SLC26A9: variants seen among roughly 807,000 people sequenced by gnomAD.
The protein encoded by SLC26A9 is solute carrier family 26 member 9.
A neutral mutation model predicts 87.1 loss-of-function variants in SLC26A9; 46 were observed. That is an observed-to-expected ratio of 0.53 (90% CI 0.42 to 0.67). SLC26A9 has a LOEUF of 0.67. SLC26A9 is among the 30% of genes least tolerant of loss of function. The probability of loss-of-function intolerance (pLI) is 0.00; values close to 1 mark genes in which losing one functional copy is unlikely to be tolerated. For synonymous variants in SLC26A9, 437 were observed against 409.1 expected, an observed-to-expected ratio of 1.07 and a Z score of -0.82; for missense variants, 927 against 1,018.3, an observed-to-expected ratio of 0.91 and a Z score of 1.22.
rs894458706 is a variant in SLC26A9 at position 205,913,340 on chromosome 1, A to G, written c.*2017T>C. The G allele has an allele frequency of 2.6e-5, 4 of 152,346 alleles. No homozygotes were observed. The highest frequency in any genetic ancestry group is 1.3e-4 in the Admixed American group (2 of 15,262). 9.4% of individuals were successfully genotyped at this position (152,346 alleles called of 1,614,324 possible). On this transcript the variant is annotated 3_prime_UTR_variant, in exon 21 of 21. Transcript: ENST00000367135. ...CTTCCCTCTGCCTCATGTGTTTCCA[A>G]TCTTACCTCCACAGCGGGCTCTGCA... is the stretch of plus-strand genomic sequence containing the variant.
intron 5 of SLC26A9, 73 bp from the exon 6 acceptor site, chr1:205,930,129 C>T: frequency 6.7e-7 from 1 of 1,489,014 alleles, no homozygotes; most frequent in Non-Finnish European, 9.1e-7. Context: ...CCGCCCCACA[C>T]ACACGCAGGT....
intron 12 of SLC26A9, among the ~76,000 whole-genome samples, chr1:205,925,462 A>G (rs1315259043): frequency 6.6e-6 from 1 of 152,228 alleles, no homozygotes; most frequent in Non-Finnish European, 1.5e-5. Flanking sequence ...AAGCCGCCAT[A>G]TGAACCTAAG....
intron 7 of SLC26A9, 142 bp downstream of exon 7, chr1:205,929,062 C>T (rs1659199574): frequency 1.4e-6 from 2 of 1,458,710 alleles, no homozygotes; most frequent in Non-Finnish European, 1.9e-6. Context: ...GAGGAAACGC[C>T]ACATACGGGG....
intron 1 of SLC26A9, among the ~76,000 whole-genome samples, chr1:205,939,899 G>A (rs912671863): frequency 2.6e-5 from 4 of 152,200 alleles, no homozygotes; most frequent in South Asian, 2.1e-4. Context: ...TGCCAGAGGC[G>A]TGTATCTACA....
chr1:205,918,768 T>C lies in SLC26A9; in HGVS notation c.2256+72A>G, dbSNP rs180959648. The C allele has an allele frequency of 1.7e-4, 259 of 1,536,676 alleles. No homozygotes were observed. The Middle Eastern group carries it at 2.5e-3, about 15-fold the overall frequency. Reference sequence around the variant, plus strand: ...AACTTAAACCTTCTCCTGTGTTCTTTCTAATAATGCCTCTTGGTCCTGCTA... The same window carrying C: ...AACTTAAACCTTCTCCTGTGTTCTTCCTAATAATGCCTCTTGGTCCTGCTA... On this transcript the variant is annotated intron_variant, in intron 19 of 20. Transcript: ENST00000367135.
chr1:205,925,008 G>T (rs1460974521), intron 12 of SLC26A9, among the ~76,000 whole-genome samples: 1 of 152,128 alleles, frequency 6.6e-6, no homozygotes, highest in Non-Finnish European at 1.5e-5. Flanking sequence ...TGCCCAAGCT[G>T]ACCTTGAAAT....
chr1:205,935,583 A>G, intron 2 of SLC26A9, 113 bp downstream of exon 2: 2 of 1,485,780 alleles, frequency 1.3e-6, no homozygotes, highest in Admixed American at 2.0e-5. Context: ...TCACTTCCCC[A>G]GGGCTTCCCT....
chr1:205,926,364 G>A (rs928447576), intron 12 of SLC26A9, among the ~76,000 whole-genome samples, 171 bp downstream of exon 12: 5 of 152,174 alleles, frequency 3.3e-5, no homozygotes, highest in African/African-American at 1.2e-4. Flanking sequence ...CTGAGTTAGG[G>A]TTTGAACATA....
chr1:205,926,699 G>T, intron 11 of SLC26A9, 69 bp from the exon 12 acceptor site: 1 of 1,279,964 alleles, frequency 7.8e-7, no homozygotes, highest in Non-Finnish European at 1.1e-6. Context: ...GCGCATACCC[G>T]ACCCCAAGGC....
intron 11 of SLC26A9, among the ~76,000 whole-genome samples, chr1:205,926,862 T>A (rs16856489): frequency 0.078 from 11,807 of 152,244 alleles, 654 homozygotes; most frequent in African/African-American, 0.14. Context: ...CATCTCTAAA[T>A]GACGCATGCC....
rs149956837 is a variant in SLC26A9 at position 205,929,069 on chromosome 1, G to A, written c.870+135C>T. ...TAGAAAGAGAGGAAACGCCACATAC[G>A]GGGGATGGGATGGATTCACAACTGA... On this transcript the variant is annotated intron_variant, in intron 7 of 20. Transcript: ENST00000367135. 215 of 1,462,774 alleles carry A rather than the reference G, an allele frequency of 1.5e-4. 1 individual carries two copies. The Middle Eastern group carries it at 2.3e-3, about 16-fold the overall frequency. The allele number at this position is 1,462,774 out of a possible 1,614,324, so 90.6% of individuals were successfully genotyped here. A position where few individuals can be genotyped will look rare whatever the true frequency, so the allele number is the denominator to read the frequency against.
intron 1 of SLC26A9, among the ~76,000 whole-genome samples, chr1:205,940,935 G>A (rs2102608818): frequency 6.6e-6 from 1 of 152,324 alleles, no homozygotes. Context: ...TGTGTTCTGG[G>A]AAGAGGAAAG....
At chr1:205,927,452 TCTTACCAC>T (rs1298873755) in intron 10 of SLC26A9, 32 bp downstream of exon 10, 1 of 1,598,790 alleles carries the variant, frequency 6.3e-7, no homozygotes. Flanking sequence ...GCAACTGTTC[TCTTACCAC>T]CTCCCCCCAA....
At chr1:205,927,396 G>A in intron 10 of SLC26A9, 96 bp downstream of exon 10, 3 of 1,550,752 alleles carry the variant, frequency 1.9e-6, no homozygotes, top group South Asian at 2.3e-5. Flanking sequence ...GGAAGAAGGG[G>A]TCGGAGAAGA....
chr1:205,913,839 A>C lies in SLC26A9; in HGVS notation c.*1518T>G, dbSNP rs1273790333. The stretch of plus-strand genomic sequence containing the variant: ...TAACTCTAAGAAGACTTGTTAGCTG[A>C]CCAGCTCACTCAACACACAGACACA... On this transcript the variant is annotated 3_prime_UTR_variant, in exon 21 of 21. Coordinates refer to ENST00000367135, the MANE Select transcript of SLC26A9 (RefSeq NM_052934.4). The C allele has an allele frequency of 1.3e-5, 2 of 152,406 alleles. No homozygotes were observed. Among genetic ancestry groups the C allele is most frequent in the Admixed American group, 6.5e-5 (1 of 15,280 alleles). 9.4% of individuals were successfully genotyped at this position (152,406 alleles called of 1,614,324 possible). A position where few individuals can be genotyped will look rare whatever the true frequency, so the allele number is the denominator to read the frequency against.
intron 3 of SLC26A9, 24 bp downstream of exon 3, chr1:205,932,916 TCCAGG>T: frequency 1.9e-6 from 3 of 1,613,010 alleles, no homozygotes; most frequent in Non-Finnish European, 2.5e-6. Flanking sequence ...GGAGTGGCAA[TCCAGG>T]CCTGGCTGAA....
intron 18 of SLC26A9, among the ~76,000 whole-genome samples, 184 bp downstream of exon 18, chr1:205,919,992 T>A (rs1658757260): frequency 6.6e-6 from 1 of 152,092 alleles, no homozygotes; most frequent in Non-Finnish European, 1.5e-5. Context: ...GCCCCTAGGA[T>A]GTTTATGCAA....
chr1:205,926,404 A>C, intron 12 of SLC26A9, 131 bp downstream of exon 12: 1 of 762,106 alleles, frequency 1.3e-6, no homozygotes, highest in South Asian at 1.6e-5. Flanking sequence ...TCGGACTTTT[A>C]ACCACTCATC....
rs143557818 is a variant in SLC26A9 at position 205,927,916 on chromosome 1, C to T, written c.1087G>A (p.Val363Met). 366 of 1,614,070 alleles carry T rather than the reference C, an allele frequency of 2.3e-4. 1 individual carries two copies. The highest frequency in any genetic ancestry group is 4.0e-4 in the African/African-American group (30 of 75,056). ...RTLANKHGYD[V>M]DSNQEMIALG... The stretch of plus-strand genomic sequence containing the variant: ...GCCAGAGCTACCTGGTTCGAATCCA[C>T]GTCGTAGCCGTGCTTGTTGGCCAGG... The change falls in exon 9 of 21, where the codon GTG becomes ATG. Residue 363 changes from valine (V) to methionine (M), a missense_variant. Transcript: ENST00000367135.
Sources: allele counts gnomAD v4.1 joint callset (sites outside exome capture counted in the v4.1 genomes callset), GRCh38; gene constraint gnomAD v4.1.1; transcripts MANE v1.5; gene names NCBI Gene and HGNC (gene_info 2026-07-23, HGNC 2026-07-21).